Variants in EVI5 observed in about 807,000 individuals in gnomAD.
EVI5 encodes the protein ecotropic viral integration site 5 protein homolog.
In EVI5, 73 loss-of-function variants were observed where a neutral mutation model predicts 112.0. That is an observed-to-expected ratio of 0.65 (90% CI 0.54 to 0.79). The LOEUF (loss-of-function observed/expected upper bound fraction) is 0.79, where lower values mean the gene tolerates loss of function less well. EVI5 is among the 30% of genes least tolerant of loss of function. The probability of loss-of-function intolerance (pLI) is 0.00; values close to 1 mark genes in which losing one functional copy is unlikely to be tolerated. For synonymous variants in EVI5, 305 were observed against 319.9 expected (o/e 0.95, Z 0.50); for missense variants, 900 against 968.8 (o/e 0.93, Z 0.94).
At chr1:92,561,557 ATCTAT>A (rs1361340012) in intron 19 of EVI5, among the ~76,000 whole-genome samples, 1 of 106,350 alleles carries the variant, frequency 9.4e-6, no homozygotes, top group East Asian at 2.4e-4. Flanking sequence ...GAGACTGACT[ATCTAT>A]CTATCTATCT....
chr1:92,593,700 C>CT (rs1301220420), intron 18 of EVI5, among the ~76,000 whole-genome samples: 2 of 152,152 alleles, frequency 1.3e-5, no homozygotes, highest in Non-Finnish European at 2.9e-5. Flanking sequence ...TCTCCTTAAG[C>CT]TGATAAGCAA....
chr1:92,577,396 C>T (rs532772957), intron 18 of EVI5, among the ~76,000 whole-genome samples: 9 of 152,296 alleles, frequency 5.9e-5, no homozygotes, highest in South Asian at 2.1e-4. Context: ...AGTTTTTGTA[C>T]GGCTTGCCGG....
At chr1:92,708,836 T>C (rs1672417505) in intron 2 of EVI5, among the ~76,000 whole-genome samples, 1 of 152,132 alleles carries the variant, frequency 6.6e-6, no homozygotes, top group Non-Finnish European at 1.5e-5. Context: ...AAACATGATG[T>C]TAAGTTAATG....
chr1:92,536,160 C>T (rs1571373834), intron 19 of EVI5, among the ~76,000 whole-genome samples: 1 of 152,140 alleles, frequency 6.6e-6, no homozygotes, highest in African/African-American at 2.4e-5. Flanking sequence ...TAATAGTTAA[C>T]AAAATCTTTT....
chr1:92,616,938 C>A (rs746408101), intron 16 of EVI5, among the ~76,000 whole-genome samples: 2 of 152,164 alleles, frequency 1.3e-5, no homozygotes, highest in Non-Finnish European at 1.5e-5. Context: ...TTGAGCAGGT[C>A]CTGAAGGGAC....
chr1:92,747,385 G>A (rs893550677), intron 1 of EVI5, among the ~76,000 whole-genome samples: 1 of 152,090 alleles, frequency 6.6e-6, no homozygotes, highest in Non-Finnish European at 1.5e-5. Context: ...TCCTAGTACT[G>A]CTGTTACAAA....
At position 92,674,378 on chromosome 1, in the gene EVI5, C is replaced by T. The variant is rs143533625; in HGVS notation, c.1158+2780G>A. On this transcript the variant is annotated intron_variant, in intron 10 of 19. Coordinates refer to ENST00000684568, the MANE Select transcript of EVI5 (RefSeq NM_001350197.2). ...CCATAAAAAAGGATGAGTTCATGTC[C>T]TGTGCAGGTACATGGATGAAGCTGA... is the stretch of plus-strand genomic sequence containing the variant. 2.4e-3 allele frequency among the ~76,000 whole-genome samples: 373 copies of T among 152,262 alleles called. 4 individuals carry two copies. The highest frequency in any genetic ancestry group is 8.7e-3 in the African/African-American group (363 of 41,538).
chr1:92,734,318 C>T (rs1676994573), intron 2 of EVI5, among the ~76,000 whole-genome samples: 1 of 152,148 alleles, frequency 6.6e-6, no homozygotes, highest in Admixed American at 6.5e-5. Flanking sequence ...GATGGGATAG[C>T]TCAACTTCAT....
intron 19 of EVI5, among the ~76,000 whole-genome samples, chr1:92,561,922 G>A (rs928291602): frequency 9.2e-5 from 14 of 152,100 alleles, no homozygotes; most frequent in Admixed American, 5.2e-4. Context: ...ATAGGCGTGC[G>A]CCCACACCTG....
intron 1 of EVI5, among the ~76,000 whole-genome samples, chr1:92,750,301 G>A (rs1031640450): frequency 3.3e-5 from 5 of 152,158 alleles, no homozygotes; most frequent in African/African-American, 1.2e-4. Context: ...CATTAACTCA[G>A]AAGGCAGCAC....
chr1:92,780,756 C>A (rs1483336873), intron 1 of EVI5, among the ~76,000 whole-genome samples: 2 of 151,994 alleles, frequency 1.3e-5, no homozygotes, highest in Non-Finnish European at 2.9e-5. Context: ...GCCTAAATCC[C>A]AGCACTTTGG....
chr1:92,698,127 G>C, intron 5 of EVI5, 142 bp from the exon 6 acceptor site: 1 of 707,748 alleles, frequency 1.4e-6, no homozygotes, highest in Non-Finnish European at 2.3e-6. Context: ...AATGAGGTAA[G>C]AATCAGAAAG....
intron 19 of EVI5, among the ~76,000 whole-genome samples, chr1:92,548,539 A>G (rs1241790649): frequency 1.3e-5 from 2 of 152,208 alleles, no homozygotes; most frequent in Non-Finnish European, 2.9e-5. Flanking sequence ...TCAATTAGGA[A>G]AAGAGGAAGT....
At position 92,516,918 on chromosome 1, in the gene EVI5, T is replaced by C. The variant is rs368422891; in HGVS notation, c.2167-2948A>G. On this transcript the variant is annotated intron_variant, in intron 19 of 19. Coordinates refer to ENST00000684568, the MANE Select transcript of EVI5 (RefSeq NM_001350197.2). ...AAAAAGAAAAAAATCCTTATGGGTA[T>C]TATCAGTAGCAAACTGAGATTAGCA... 1.6e-4 allele frequency among the ~76,000 whole-genome samples: 24 copies of C among 152,216 alleles called. 1 individual carries two copies. In the South Asian group the frequency reaches 4.8e-3, roughly 30 times the overall value.
intron 1 of EVI5, among the ~76,000 whole-genome samples, chr1:92,737,625 A>AG (rs1444716506): frequency 2.6e-5 from 4 of 151,234 alleles, no homozygotes; most frequent in Non-Finnish European, 5.9e-5. Context: ...CACACACAAA[A>AG]AAAAATCCTG....
At chr1:92,547,046 T>A (rs1319305974) in intron 19 of EVI5, among the ~76,000 whole-genome samples, 1 of 152,196 alleles carries the variant, frequency 6.6e-6, no homozygotes. Context: ...AGAATATACA[T>A]TCTTCTCAGC....
At chr1:92,738,652 T>A (rs1178782765) in intron 1 of EVI5, among the ~76,000 whole-genome samples, 2 of 152,156 alleles carry the variant, frequency 1.3e-5, no homozygotes, top group African/African-American at 4.8e-5. Context: ...GAAATGGAAT[T>A]CAGCCTATAA....
chr1:92,523,577 G>A (rs1661324669), intron 19 of EVI5, among the ~76,000 whole-genome samples: 1 of 151,964 alleles, frequency 6.6e-6, no homozygotes, highest in Non-Finnish European at 1.5e-5. Flanking sequence ...TCTAGTTTCT[G>A]TAACATTTAA....
chr1:92,611,570 C>T (rs1226100613), intron 16 of EVI5, among the ~76,000 whole-genome samples: 1 of 149,914 alleles, frequency 6.7e-6, no homozygotes, highest in Non-Finnish European at 1.5e-5. Flanking sequence ...GGCGTGATGG[C>T]GGGCGCCTGT....
Sources: gnomAD v4.1 joint callset for allele counts (sites outside exome capture counted in the v4.1 genomes callset) on GRCh38, gnomAD v4.1.1 for gene constraint, MANE v1.5 for transcripts, NCBI Gene and HGNC (gene_info 2026-07-23, HGNC 2026-07-21) for gene names.